The following CFLAR variants were observed in gnomAD, a reference collection of about 807,000 sequenced individuals.
CFLAR encodes the protein CASP8 and FADD like apoptosis regulator.
CFLAR carries 14 observed loss-of-function variants against 51.1 expected under a neutral mutation model. The ratio of observed to expected loss-of-function variants is 0.27; its 90% CI spans 0.18 to 0.43. The LOEUF (loss-of-function observed/expected upper bound fraction) is 0.43. Among genes scored for constraint, CFLAR ranks in the 20% least tolerant of loss-of-function variants. The pLI is 1.00. For missense variants in CFLAR, 390 were observed against 566.5 expected, an observed-to-expected ratio of 0.69 and a Z score of 3.16; for synonymous variants, 210 against 211.6, an observed-to-expected ratio of 0.99 and a Z score of 0.06.
In CFLAR at chr2:201,171,312, T is replaced by G. The variant is rs928369534; in HGVS notation, c.*7339T>G. ...AAACACCTATGGAAATAATTTTGTT[T>G]TTTTTTTTAAAAAAGGAATGAGATC... On this transcript the variant is annotated 3_prime_UTR_variant, in exon 10 of 10. Coordinates refer to ENST00000309955, the MANE Select transcript of CFLAR (RefSeq NM_003879.7). 6.6e-6 allele frequency: 1 copy of G among 152,126 alleles called. No homozygotes were observed. The highest frequency in any genetic ancestry group is 2.4e-5 in the African/African-American group (1 of 41,418). 9.4% of individuals were successfully genotyped at this position (152,126 alleles called of 1,614,324 possible). A position where few individuals can be genotyped will look rare whatever the true frequency, so the allele number is the denominator to read the frequency against.
rs185135122 is a variant in CFLAR, at chr2:201,136,256, G to C, written c.523+149G>C. The C allele has an allele frequency of 2.5e-6, 4 of 1,602,710 alleles. No homozygotes were observed. The South Asian group carries it at 4.4e-5, about 18-fold the overall frequency. ...CCTTTAGCTTGTGGCTAGAAATCGCGTCCCTTTATATTCTTCATATCCCAG... is the reference window on the plus strand; with the variant it reads ...CCTTTAGCTTGTGGCTAGAAATCGCCTCCCTTTATATTCTTCATATCCCAG... On this transcript the variant is annotated intron_variant, in intron 4 of 9. Transcript: ENST00000309955.
At position 201,138,793 on chromosome 2, in the gene CFLAR, C is replaced by T. The variant is rs1313877473; in HGVS notation, c.524-1564C>T. 2.6e-6 allele frequency: 2 copies of T among 762,656 alleles called. No individual in the cohort carries two copies. Among genetic ancestry groups the T allele is most frequent in the Non-Finnish European group, 4.8e-6 (2 of 414,972 alleles). 47.2% of individuals were successfully genotyped at this position (762,656 alleles called of 1,614,324 possible). On this transcript the variant is annotated intron_variant, in intron 4 of 9. Transcript: ENST00000309955. This position sits in a 1 kb window ranked among gnomAD's most constrained non-coding sequence, Gnocchi z 4.0. ...GGGGTGCAGTTGTGGTGAATGAAACCAGTACCTCCCATCAGAGCCATCACG... is the reference window on the plus strand; with the variant it reads ...GGGGTGCAGTTGTGGTGAATGAAACTAGTACCTCCCATCAGAGCCATCACG...
rs991540084 is a variant in CFLAR at position 201,175,345 on chromosome 2, T to A, written c.*11372T>A. 1 of 152,276 alleles carries A rather than the reference T, an allele frequency of 6.6e-6. No homozygotes were observed. The highest frequency in any genetic ancestry group is 1.5e-5 in the Non-Finnish European group (1 of 68,090). The allele number at this position is 152,276 out of a possible 1,614,324, so 9.4% of individuals were successfully genotyped here. A position where few individuals can be genotyped will look rare whatever the true frequency, so the allele number is the denominator to read the frequency against. ...ACAAACATACAAAGATAAGTTTGGC[T>A]GGGCGCAGTGGCTCATGCCTGTAAT... On this transcript the variant is annotated 3_prime_UTR_variant, in exon 10 of 10. Coordinates refer to ENST00000309955, the MANE Select transcript of CFLAR (RefSeq NM_003879.7).
Position 201,161,738 on chromosome 2 carries a change from CTTTTTTTTT to C in CFLAR, c.1304+813_1304+821del, listed in dbSNP as rs3044256. On this transcript the variant is annotated intron_variant, in intron 9 of 9. Transcript: ENST00000309955. ...CCACAAATTTTTATTTTTAATTTTT[CTTTTTTTTT>C]TTTTTTTTTTTTTTTTGAGACAGAG... is the stretch of plus-strand genomic sequence containing the variant. Among the ~76,000 whole-genome samples the C allele has an allele frequency of 5.0e-3, 508 of 101,274 alleles. 1 individual carries two copies. Among genetic ancestry groups the C allele is most frequent in the Middle Eastern group, 0.029 (4 of 138 alleles). 66.4% of individuals were successfully genotyped at this position (101,274 alleles called of 152,430 possible). A position where few individuals can be genotyped will look rare whatever the true frequency, so the allele number is the denominator to read the frequency against.
At chr2:201,163,721 C>G in intron 9 of CFLAR, 114 bp from the exon 10 acceptor site, 1 of 1,492,710 alleles carries the variant, frequency 6.7e-7, no homozygotes, top group Non-Finnish European at 8.9e-7. Flanking sequence ...GTGGTGCCTT[C>G]AGAAAGGAAC....
At chr2:201,153,072 G>A (rs540656751) in intron 8 of CFLAR, 1 of 152,256 alleles carries the variant, frequency 6.6e-6, no homozygotes, top group East Asian at 1.9e-4. Context: ...CTGGACAAGA[G>A]TAGGCCTGGG....
chr2:201,133,173 A>G (rs1218236630), intron 3 of CFLAR, 39 bp downstream of exon 3: 5 of 1,493,656 alleles, frequency 3.3e-6, no homozygotes, highest in Non-Finnish European at 4.7e-6. Flanking sequence ...CCAGGAGCCT[A>G]TCAGAAGTGG....
intron 1 of CFLAR, among the ~76,000 whole-genome samples, chr2:201,117,967 C>G (rs984655216): frequency 6.6e-6 from 1 of 152,030 alleles, no homozygotes; most frequent in African/African-American, 2.4e-5. Context: ...GTTGGTCAGT[C>G]TGGTCTCGAA....
rs894532608 is a variant in CFLAR at position 201,136,558 on chromosome 2, C to T, written c.523+451C>T. ...ACCTCCTTATGGAAAAGAGCACATT[C>T]GATTTCTTCCTTGATAAAAGGGACC... On this transcript the variant is annotated intron_variant, in intron 4 of 9. Transcript: ENST00000309955. 3.3e-5 allele frequency: 49 copies of T among 1,466,992 alleles called. 1 individual carries two copies. In the South Asian group the frequency reaches 5.8e-4, roughly 17 times the overall value. 90.9% of individuals were successfully genotyped at this position (1,466,992 alleles called of 1,614,324 possible).
At position 201,136,077 on chromosome 2, in the gene CFLAR, A is replaced by G; in HGVS notation, c.493A>G (p.Lys165Glu). The G allele has an allele frequency of 6.2e-7, 1 of 1,614,064 alleles. No homozygotes were observed. The highest frequency in any genetic ancestry group is 8.5e-7 in the Non-Finnish European group (1 of 1,180,002). Residue 165 changes from lysine (K) to glutamate (E), a missense_variant, in exon 4 of 10, where the codon AAG (lysine) becomes GAG (glutamate). Transcript: ENST00000309955. ...CLKNIHRIDLKTKIQKYKQSV... is the reference protein window; with the variant it reads ...CLKNIHRIDLETKIQKYKQSV... ...AAAGAACATCCACAGAATAGACCTG[A>G]AGACAAAAATCCAGAAGTACAAGCA...
intron 5 of CFLAR, chr2:201,140,644 TAAAAG>T: frequency 6.1e-6 from 3 of 494,488 alleles, no homozygotes; most frequent in South Asian, 2.9e-5. Context: ...TAGAGAAAGA[TAAAAG>T]AAAATAAATC....
In CFLAR at chr2:201,163,991, C is replaced by T. The variant is rs78787499; in HGVS notation, c.*18C>T. 2.4e-3 allele frequency: 3,783 copies of T among 1,604,812 alleles called. 58 individuals carry two copies. In the East Asian group the frequency reaches 0.037, roughly 16 times the overall value. ...ACACATAAGAAACCAAAAGGCTGGGCGTAGTGGCTCACACCTGTAATCCCA... is the reference window on the plus strand; with the variant it reads ...ACACATAAGAAACCAAAAGGCTGGGTGTAGTGGCTCACACCTGTAATCCCA... On this transcript the variant is annotated 3_prime_UTR_variant, in exon 10 of 10. Transcript: ENST00000309955.
At chr2:201,157,240 G>A (rs949487967) in intron 8 of CFLAR, among the ~76,000 whole-genome samples, 9 of 152,212 alleles carry the variant, frequency 5.9e-5, no homozygotes, top group Admixed American at 2.0e-4. Context: ...TCCTGGGCTC[G>A]AGTGATCCTC....
chr2:201,124,144 G>A lies in CFLAR; in HGVS notation c.-137-5585G>A, dbSNP rs994300237. On this transcript the variant is annotated intron_variant, in intron 1 of 9. Coordinates refer to ENST00000309955, the MANE Select transcript of CFLAR (RefSeq NM_003879.7). The surrounding 1 kb of genome is among the most constrained non-coding windows in gnomAD (Gnocchi z 4.7). ...TTTGGATGGCTTAGCTGGTCATGCT[G>A]CATGCTTTGCTACTGATTACAGGGA... Among the ~76,000 whole-genome samples the A allele has an allele frequency of 2.0e-5, 3 of 152,206 alleles. No individual in the cohort carries two copies. The highest frequency in any genetic ancestry group is 7.2e-5 in the African/African-American group (3 of 41,458).
chr2:201,120,247 G>A (rs1265716163), intron 1 of CFLAR, among the ~76,000 whole-genome samples: 1 of 150,916 alleles, frequency 6.6e-6, no homozygotes, highest in Non-Finnish European at 1.5e-5. Flanking sequence ...GTGCAGTGGT[G>A]CTATCTCTGC....
Position 201,118,613 on chromosome 2 carries a change from G to C in CFLAR, c.-138+2132G>C, listed in dbSNP as rs1386896150. The C allele has an allele frequency of 1.3e-5, 2 of 152,282 alleles. No homozygotes were observed. Among genetic ancestry groups the C allele is most frequent in the East Asian group, 1.9e-4 (1 of 5,200 alleles). 9.4% of individuals were successfully genotyped at this position (152,282 alleles called of 1,614,324 possible). ...GCCCTGTGCAAGTTTCAACTGCGCG[G>C]GGGGCGGGGAATTCCGCAGACAGGA... On this transcript the variant is annotated intron_variant, in intron 1 of 9. Transcript: ENST00000309955. This position sits in a 1 kb window ranked among gnomAD's most constrained non-coding sequence, Gnocchi z 5.1.
At chr2:201,156,895 T>C (rs903213421) in intron 8 of CFLAR, among the ~76,000 whole-genome samples, 1 of 152,158 alleles carries the variant, frequency 6.6e-6, no homozygotes, top group African/African-American at 2.4e-5. Flanking sequence ...TTCCTCTATT[T>C]ATGTGCAAGG....
intron 4 of CFLAR, chr2:201,140,003 C>T (rs1938201617): frequency 6.6e-6 from 2 of 301,760 alleles, no homozygotes; most frequent in Non-Finnish European, 1.4e-5. Flanking sequence ...GTAGCCGGTG[C>T]TGCTGCTGAT....
chr2:201,128,975 C>T (rs1204857790), intron 1 of CFLAR, among the ~76,000 whole-genome samples: 1 of 152,208 alleles, frequency 6.6e-6, no homozygotes, highest in Admixed American at 6.5e-5. Context: ...AGATGTTCCA[C>T]TGAGAACATC....
Sources: gnomAD v4.1 joint callset for allele counts (sites outside exome capture counted in the v4.1 genomes callset) on GRCh38, gnomAD v4.1.1 for gene constraint, Gnocchi (gnomAD v3.1) non-coding constraint, MANE v1.5 for transcripts, NCBI Gene and HGNC (gene_info 2026-07-23, HGNC 2026-07-21) for gene names.